Variants in CASC3 observed in about 807,000 individuals in gnomAD.
The protein encoded by CASC3 is CASC3 exon junction complex subunit.
CASC3 carries 30 observed loss-of-function variants against 80.5 expected under a neutral mutation model. The ratio of observed to expected loss-of-function variants is 0.37; its 90% CI spans 0.28 to 0.51. CASC3 has a LOEUF of 0.51. Among genes scored for constraint, CASC3 ranks in the 20% least tolerant of loss-of-function variants. The pLI is 0.94. For missense variants in CASC3, 824 were observed against 922.2 expected, an observed-to-expected ratio of 0.89 and a Z score of 1.38; for synonymous variants, 312 against 333.6, an observed-to-expected ratio of 0.94 and a Z score of 0.70.
rs1409727914 is a variant in CASC3 at position 40,170,953 on chromosome 17, A to G, written c.*548A>G. ...CTTTTGACTCTTCCGTGCATCCCAG[A>G]TAATGGAGAATGTATCAGCCAGCCT... On this transcript the variant is annotated 3_prime_UTR_variant, in exon 14 of 14. Coordinates refer to ENST00000264645, the MANE Select transcript of CASC3 (RefSeq NM_007359.5). 2.0e-6 allele frequency: 2 copies of G among 985,262 alleles called. No individual in the cohort carries two copies. Among genetic ancestry groups the G allele is most frequent in the Admixed American group, 6.2e-5 (1 of 16,234 alleles). 61.0% of individuals were successfully genotyped at this position (985,262 alleles called of 1,614,324 possible).
chr17:40,144,658 C>CTTTTT (rs939136950), intron 3 of CASC3, among the ~76,000 whole-genome samples: 6 of 119,116 alleles, frequency 5.0e-5, no homozygotes, highest in Admixed American at 2.6e-4. Context: ...GCCCAGCCCT[C>CTTTTT]TTTTTTTTTT....
At chr17:40,155,234 G>A (rs1188350286) in intron 3 of CASC3, among the ~76,000 whole-genome samples, 2 of 151,028 alleles carry the variant, frequency 1.3e-5, no homozygotes, top group Admixed American at 6.6e-5. Context: ...TGACTCGGGT[G>A]TTTATACGTA....
intron 3 of CASC3, among the ~76,000 whole-genome samples, chr17:40,155,081 G>C (rs1390357030): frequency 2.6e-5 from 4 of 151,172 alleles, no homozygotes; most frequent in Non-Finnish European, 5.9e-5. Flanking sequence ...AGTAGAGATG[G>C]GGTTTCACCG....
chr17:40,171,250 C>G lies in CASC3; in HGVS notation c.*845C>G. On this transcript the variant is annotated 3_prime_UTR_variant, in exon 14 of 14. Coordinates refer to ENST00000264645, the MANE Select transcript of CASC3 (RefSeq NM_007359.5). ...CCCTACTGTGGGGAGAGATGGCACA[C>G]CAGATGCTTTTGTGAGAAAGGGATG... 4 of 985,952 alleles carry G rather than the reference C, an allele frequency of 4.1e-6. No homozygotes were observed. Among genetic ancestry groups the G allele is most frequent in the Non-Finnish European group, 4.8e-6 (4 of 829,976 alleles). The allele number at this position is 985,952 out of a possible 1,614,324, so 61.1% of individuals were successfully genotyped here.
chr17:40,163,722 G>A lies in CASC3; in HGVS notation c.1027G>A (p.Val343Ile), dbSNP rs1256430632. Residue 343 changes from valine (V) to isoleucine (I), a missense_variant, in exon 7 of 14, where the codon GTT becomes ATT. This residue lies in a region of CASC3 where 464 missense variants were observed against 506.0 expected (regional missense o/e 0.92). Transcript: ENST00000264645. ...GCATGGTGGCCGGTCTGGTGAGACT[G>A]TTAAGCATGAGATTAGTTACCGGTC... ...GQHGGRSGET[V>I]KHEISYRSRR... 6.2e-7 allele frequency: 1 copy of A among 1,614,062 alleles called. No homozygotes were observed. Among genetic ancestry groups the A allele is most frequent in the African/African-American group, 1.3e-5 (1 of 74,920 alleles).
At chr17:40,162,647 C>T in intron 5 of CASC3, 78 bp from the exon 6 acceptor site, 2 of 1,413,540 alleles carry the variant, frequency 1.4e-6, no homozygotes, top group South Asian at 2.4e-5. Context: ...CCCCTGCCTC[C>T]CTGACCCATT....
At chr17:40,158,577 A>G (rs2145170616) in intron 3 of CASC3, among the ~76,000 whole-genome samples, 1 of 152,290 alleles carries the variant, frequency 6.6e-6, no homozygotes, top group South Asian at 2.1e-4. Flanking sequence ...TTTCCTACCT[A>G]GAACTAGCCA....
intron 3 of CASC3, among the ~76,000 whole-genome samples, chr17:40,142,460 G>A (rs1478729357): frequency 6.6e-6 from 1 of 152,212 alleles, no homozygotes; most frequent in Non-Finnish European, 1.5e-5. Flanking sequence ...GTTCTAGGCA[G>A]AGAGAACAAC....
rs374847088 is a variant in CASC3 at position 40,162,719 on chromosome 17, A to T, written c.609-6A>T. On this transcript the variant is annotated splice_region_variant and splice_polypyrimidine_tract_variant and intron_variant, in intron 5 of 13. Transcript: ENST00000264645. Reference sequence around the variant, plus strand: ...ACCCAAGACACTTTTCCTTCATTTTATCCAGACCCAAGGGGCGTCAGCGAA... The same window carrying T: ...ACCCAAGACACTTTTCCTTCATTTTTTCCAGACCCAAGGGGCGTCAGCGAA... 6.4e-5 allele frequency: 103 copies of T among 1,612,824 alleles called. No individual in the cohort carries two copies. In the African/African-American group the frequency reaches 1.3e-3, roughly 21 times the overall value.
intron 3 of CASC3, among the ~76,000 whole-genome samples, chr17:40,152,969 G>A (rs1042417894): frequency 1.3e-5 from 2 of 151,414 alleles, no homozygotes; most frequent in Admixed American, 1.3e-4. Flanking sequence ...TAGAGACAGG[G>A]TTTCACCATG....
Position 40,169,309 on chromosome 17 carries a change from C to G in CASC3, c.1966-15C>G. 6.5e-7 allele frequency: 1 copy of G among 1,535,202 alleles called. No homozygotes were observed. Among genetic ancestry groups the G allele is most frequent in the Non-Finnish European group, 8.7e-7 (1 of 1,143,468 alleles). The stretch of plus-strand genomic sequence containing the variant: ...CATTCCTAACTTTTTCTTCTCCTGG[C>G]TTGTGGGGTCCCAGGCCCCATCACA... On this transcript the variant is annotated splice_polypyrimidine_tract_variant and intron_variant, in intron 11 of 13. Transcript: ENST00000264645.
chr17:40,162,716 T>C lies in CASC3; in HGVS notation c.609-9T>C. ...CTGACCCAAGACACTTTTCCTTCATTTTATCCAGACCCAAGGGGCGTCAGC... is the reference window on the plus strand; with the variant it reads ...CTGACCCAAGACACTTTTCCTTCATCTTATCCAGACCCAAGGGGCGTCAGC... On this transcript the variant is annotated splice_polypyrimidine_tract_variant and intron_variant, in intron 5 of 13. Coordinates refer to ENST00000264645, the MANE Select transcript of CASC3 (RefSeq NM_007359.5). 1 of 1,612,612 alleles carries C rather than the reference T, an allele frequency of 6.2e-7. No individual in the cohort carries two copies. Among genetic ancestry groups the C allele is most frequent in the Non-Finnish European group, 8.5e-7 (1 of 1,179,632 alleles).
At chr17:40,150,417 T>C (rs1057292994) in intron 3 of CASC3, among the ~76,000 whole-genome samples, 13 of 10,450 alleles carry the variant, frequency 1.2e-3, no homozygotes, top group African/African-American at 2.7e-3. Context: ...AGTGTGTGCG[T>C]GTGTGTGTGT....
In CASC3 at chr17:40,161,811, C is replaced by T. The variant is rs1372035823; in HGVS notation, c.356C>T (p.Ala119Val). The change falls in exon 4 of 14, where the codon GCT becomes GTT. Residue 119 changes from alanine to valine, a missense_variant. Physicochemically the swap from Ala to Val is moderately conservative, Grantham distance 64 (BLOSUM62 0). Transcript: ENST00000264645. ...ENSKVELKSE[A>V]NDAVNSSTKE... ...TCCAAAGTGGAGCTGAAATCAGAAG[C>T]TAATGATGCTGTTAATTCTTCAACA... 1.2e-6 allele frequency: 2 copies of T among 1,613,940 alleles called. No individual in the cohort carries two copies. Among genetic ancestry groups the T allele is most frequent in the African/African-American group, 1.3e-5 (1 of 74,912 alleles).
Position 40,167,372 on chromosome 17 carries a change from T to C in CASC3, c.1537-126T>C, listed in dbSNP as rs768584993. 7 of 633,826 alleles carry C rather than the reference T, an allele frequency of 1.1e-5. No homozygotes were observed. The Admixed American group carries it at 2.1e-4, about 19-fold the overall frequency. The allele number at this position is 633,826 out of a possible 1,614,324, so 39.3% of individuals were successfully genotyped here. On this transcript the variant is annotated intron_variant, in intron 8 of 13. Coordinates refer to ENST00000264645, the MANE Select transcript of CASC3 (RefSeq NM_007359.5). ...TGATATCTTTTCATTATTTTTCAGC[T>C]CACTTTGCAAATATCCATTAAATAC...
Position 40,170,910 on chromosome 17 carries a change from C to G in CASC3, c.*505C>G. ...GAAACAAGTCTAGTCTTCTGGTTTT[C>G]TAGCCCCTCTGGATTCCCTTTTGAC... is the stretch of plus-strand genomic sequence containing the variant. On this transcript the variant is annotated 3_prime_UTR_variant, in exon 14 of 14. Transcript: ENST00000264645. 1 of 985,500 alleles carries G rather than the reference C, an allele frequency of 1.0e-6. No homozygotes were observed. Among genetic ancestry groups the G allele is most frequent in the Non-Finnish European group, 1.2e-6 (1 of 829,936 alleles). The allele number at this position is 985,500 out of a possible 1,614,324, so 61.0% of individuals were successfully genotyped here. A position where few individuals can be genotyped will look rare whatever the true frequency, so the allele number is the denominator to read the frequency against.
chr17:40,141,523 A>G, intron 2 of CASC3, 47 bp from the exon 3 acceptor site: 1 of 1,568,294 alleles, frequency 6.4e-7, no homozygotes, highest in Non-Finnish European at 8.8e-7. Context: ...GCAGCCAAAA[A>G]ATGTTTCTGG....
At chr17:40,143,048 C>G (rs1204945227) in intron 3 of CASC3, among the ~76,000 whole-genome samples, 1 of 151,164 alleles carries the variant, frequency 6.6e-6, no homozygotes, top group African/African-American at 2.4e-5. Context: ...AATCATGCCA[C>G]TGCACTGCTA....
At chr17:40,157,922 C>A (rs974566555) in intron 3 of CASC3, among the ~76,000 whole-genome samples, 11 of 152,228 alleles carry the variant, frequency 7.2e-5, no homozygotes, top group East Asian at 5.8e-4. Context: ...ACATACTATT[C>A]AGTGGAAGTG....
Sources: allele counts gnomAD v4.1 joint callset (sites outside exome capture counted in the v4.1 genomes callset), GRCh38; gene constraint gnomAD v4.1.1; regional missense constraint gnomAD v4.1.1; transcripts MANE v1.5; gene names NCBI Gene and HGNC (gene_info 2026-07-23, HGNC 2026-07-21).